SGCG: variants seen among roughly 807,000 people sequenced by gnomAD.
SGCG encodes sarcoglycan gamma.
SGCG carries 26 observed loss-of-function variants against 29.3 expected under a neutral mutation model. That is an observed-to-expected ratio of 0.89 (90% CI 0.65 to 1.23). SGCG has a LOEUF of 1.23. Among genes scored for constraint, SGCG ranks in the 50% most tolerant of loss-of-function variants. The pLI is 0.00. For synonymous variants in SGCG, 145 were observed against 129.7 expected (o/e 1.12, Z -0.80); for missense variants, 353 against 356.0 (o/e 0.99, Z 0.07).
intron 2 of SGCG, among the ~76,000 whole-genome samples, chr13:23,205,455 A>G (rs1181785720): frequency 1.3e-5 from 2 of 152,304 alleles, no homozygotes; most frequent in Non-Finnish European, 2.9e-5. Flanking sequence ...TAGGAGGCCC[A>G]TGGAAGGGCC....
At chr13:23,230,036 G>A (rs1879047705) in intron 2 of SGCG, among the ~76,000 whole-genome samples, 1 of 152,094 alleles carries the variant, frequency 6.6e-6, no homozygotes, top group Non-Finnish European at 1.5e-5. Flanking sequence ...TTATTGAATA[G>A]GCAGTTATTT....
intron 3 of SGCG, among the ~76,000 whole-genome samples, chr13:23,240,950 G>A (rs1393510108): frequency 2.0e-5 from 3 of 151,984 alleles, no homozygotes; most frequent in East Asian, 3.9e-4. Context: ...TCAGGAGATC[G>A]AGACCATCCT....
chr13:23,283,616 C>G (rs950324726), intron 5 of SGCG, among the ~76,000 whole-genome samples: 2 of 152,102 alleles, frequency 1.3e-5, no homozygotes, highest in Non-Finnish European at 2.9e-5. Flanking sequence ...CCATTTACAT[C>G]TAAGGTTAAT....
intron 1 of SGCG, among the ~76,000 whole-genome samples, chr13:23,182,412 C>A (rs1416880127): frequency 1.3e-5 from 2 of 152,126 alleles, no homozygotes; most frequent in Admixed American, 1.3e-4. Context: ...CTGCTACTCT[C>A]CTGCTCCTTC....
intron 4 of SGCG, among the ~76,000 whole-genome samples, chr13:23,264,803 C>T (rs920222901): frequency 1.9e-4 from 29 of 152,122 alleles, no homozygotes; most frequent in African/African-American, 6.7e-4. Flanking sequence ...CTTTGACAAA[C>T]CATACAAAAA....
At chr13:23,231,387 G>T (rs1879106723) in intron 2 of SGCG, among the ~76,000 whole-genome samples, 2 of 150,832 alleles carry the variant, frequency 1.3e-5, no homozygotes, top group Non-Finnish European at 1.5e-5. Context: ...AATAAGGAAA[G>T]TAACAGCCAG....
intron 2 of SGCG, among the ~76,000 whole-genome samples, chr13:23,231,570 G>C (rs1190834925): frequency 6.6e-6 from 1 of 152,094 alleles, no homozygotes; most frequent in African/African-American, 2.4e-5. Context: ...TTTTGGAACA[G>C]AATTTGTAGT....
At chr13:23,183,384 G>A (rs1422226477) in intron 1 of SGCG, among the ~76,000 whole-genome samples, 2 of 152,128 alleles carry the variant, frequency 1.3e-5, no homozygotes, top group Non-Finnish European at 1.5e-5. Flanking sequence ...CTAAGAAGGC[G>A]TACCAGAAAG....
chr13:23,217,333 A>G (rs145733342), intron 2 of SGCG: 3 of 152,184 alleles, frequency 2.0e-5, no homozygotes, highest in African/African-American at 7.2e-5. Context: ...CAACATTTCC[A>G]ATTATAATAA....
At chr13:23,283,001 T>A (rs1279664970) in intron 5 of SGCG, among the ~76,000 whole-genome samples, 1 of 152,230 alleles carries the variant, frequency 6.6e-6, no homozygotes, top group African/African-American at 2.4e-5. Context: ...ATGATCTCCA[T>A]TCTTTTGCAT....
At chr13:23,201,494 C>A (rs963098838) in intron 1 of SGCG, among the ~76,000 whole-genome samples, 2 of 151,926 alleles carry the variant, frequency 1.3e-5, no homozygotes, top group Non-Finnish European at 2.9e-5. Context: ...GGCATCGGAG[C>A]CAGAGGAGGG....
rs542037063 is a variant in SGCG at position 23,259,749 on chromosome 13, G to A, written c.385+9032G>A. Among the ~76,000 whole-genome samples, 464 of 152,200 alleles carry A rather than the reference G, an allele frequency of 3.0e-3. 3 individuals are homozygous for A. Among genetic ancestry groups the A allele is most frequent in the Non-Finnish European group, 5.4e-3 (364 of 68,012 alleles). On this transcript the variant is annotated intron_variant, in intron 4 of 7. Transcript: ENST00000218867. ...AGAGATTCTGGTACATTGTGTCTTT[G>A]TTCTCATTGGTTTCAAAGAACATCT...
chr13:23,263,602 G>C (rs1001000170), intron 4 of SGCG, among the ~76,000 whole-genome samples: 7 of 151,948 alleles, frequency 4.6e-5, no homozygotes, highest in African/African-American at 1.7e-4. Context: ...GTATTACCCT[G>C]ATATCAAAGC....
chr13:23,261,946 A>G (rs1396722706), intron 4 of SGCG, among the ~76,000 whole-genome samples: 1 of 152,142 alleles, frequency 6.6e-6, no homozygotes, highest in South Asian at 2.1e-4. Flanking sequence ...TCTTTATCAG[A>G]CAAGCAAATG....
At chr13:23,259,090 A>G (rs546193299) in intron 4 of SGCG, among the ~76,000 whole-genome samples, 1 of 152,180 alleles carries the variant, frequency 6.6e-6, no homozygotes, top group Admixed American at 6.5e-5. Context: ...CTCTTTATCT[A>G]TTGATTGGAA....
intron 1 of SGCG, among the ~76,000 whole-genome samples, chr13:23,185,859 G>GGAGT (rs1876949597): frequency 6.6e-6 from 1 of 152,204 alleles, no homozygotes; most frequent in South Asian, 2.1e-4. Flanking sequence ...ACTGAAGGAA[G>GGAGT]GAGTGTCTTG....
chr13:23,202,955 C>T (rs1877821124), intron 1 of SGCG, among the ~76,000 whole-genome samples: 1 of 151,944 alleles, frequency 6.6e-6, no homozygotes, highest in Admixed American at 6.6e-5. Flanking sequence ...TTTAAGTTTT[C>T]TTTTTTTCTT....
At chr13:23,240,920 G>A (rs775981514) in intron 3 of SGCG, among the ~76,000 whole-genome samples, 7 of 152,026 alleles carry the variant, frequency 4.6e-5, no homozygotes, top group East Asian at 1.9e-4. Flanking sequence ...TTGGGAGGCC[G>A]AGGCAGGCGG....
intron 2 of SGCG, among the ~76,000 whole-genome samples, chr13:23,224,681 C>CACACACACA (rs1555236925): frequency 1.7e-5 from 2 of 119,556 alleles, no homozygotes; most frequent in Non-Finnish European, 1.9e-5. Flanking sequence ...CACACACACA[C>CACACACACA]CCCACACCAG....
Sources: gnomAD v4.1 joint callset for allele counts (sites outside exome capture counted in the v4.1 genomes callset) on GRCh38, gnomAD v4.1.1 for gene constraint, MANE v1.5 for transcripts, NCBI Gene and HGNC (gene_info 2026-07-23, HGNC 2026-07-21) for gene names.